The following VANGL1 variants were observed in gnomAD, a reference collection of about 807,000 sequenced individuals.
VANGL1 encodes the protein vang-like protein 1.
A neutral mutation model predicts 48.4 loss-of-function variants in VANGL1; 18 were observed. That is an observed-to-expected ratio of 0.37 (90% CI 0.26 to 0.55). VANGL1 has a LOEUF of 0.55. VANGL1 is among the 20% of genes least tolerant of loss of function. The pLI is 0.81. For synonymous variants in VANGL1, 257 were observed against 261.8 expected (o/e 0.98, Z 0.18); for missense variants, 667 against 675.8 (o/e 0.99, Z 0.14).
chr1:115,680,745 C>G (rs995684813), intron 4 of VANGL1, among the ~76,000 whole-genome samples: 4 of 140,614 alleles, frequency 2.8e-5, no homozygotes, highest in Admixed American at 7.4e-5. Flanking sequence ...GGTGGGTAGA[C>G]AGAATTTCCA....
At chr1:115,676,243 C>T (rs1653160157) in intron 4 of VANGL1, among the ~76,000 whole-genome samples, 1 of 152,174 alleles carries the variant, frequency 6.6e-6, no homozygotes, top group South Asian at 2.1e-4. Context: ...GAATCTAGTA[C>T]TCCTACAATG....
chr1:115,668,701 A>G (rs997214077), intron 4 of VANGL1, among the ~76,000 whole-genome samples: 8 of 152,124 alleles, frequency 5.3e-5, no homozygotes, highest in African/African-American at 1.9e-4. Flanking sequence ...GAGTCAGCTG[A>G]GGCTGACTTT....
chr1:115,651,057 G>A (rs775789072), intron 1 of VANGL1, among the ~76,000 whole-genome samples: 27 of 152,082 alleles, frequency 1.8e-4, no homozygotes, highest in Admixed American at 5.2e-4. Flanking sequence ...TGCTGTGGTA[G>A]GGGTTCAGCT....
At chr1:115,690,967 T>C in intron 7 of VANGL1, 152 bp from the exon 8 acceptor site, 1 of 1,053,206 alleles carries the variant, frequency 9.5e-7, no homozygotes, top group Non-Finnish European at 1.4e-6. Context: ...TGTGAGGGTC[T>C]GATGGGAATT....
rs199681536 is a variant in VANGL1, at chr1:115,683,834, TG to T, written c.947-109del. 1,813 of 1,362,316 alleles carry T rather than the reference TG, an allele frequency of 1.3e-3. 8 individuals carry two copies. The highest frequency in any genetic ancestry group is 0.011 in the African/African-American group (781 of 69,422). The allele number at this position is 1,362,316 out of a possible 1,614,324, so 84.4% of individuals were successfully genotyped here. On this transcript the variant is annotated intron_variant, in intron 5 of 7. Coordinates refer to ENST00000355485, the MANE Select transcript of VANGL1 (RefSeq NM_138959.3). ...GTGACCTTTAGGATTTGTGTGTGTG[TG>T]TTCCATAGGGGGTGGGTAGACAACA...
At chr1:115,685,102 T>A (rs1414770349) in intron 6 of VANGL1, among the ~76,000 whole-genome samples, 191 bp from the exon 7 acceptor site, 1 of 152,160 alleles carries the variant, frequency 6.6e-6, no homozygotes, top group Admixed American at 6.5e-5. Flanking sequence ...CCACATGTTA[T>A]TTTTGCTGTT....
chr1:115,654,498 T>TAAAAA (rs869142756), intron 2 of VANGL1, among the ~76,000 whole-genome samples: 1,377 of 90,744 alleles, frequency 0.015, 34 homozygotes, highest in African/African-American at 0.036. Flanking sequence ...TTGGTAGGGC[T>TAAAAA]AAAAAAAAAA....
At chr1:115,663,088 T>C (rs1348882589) in intron 3 of VANGL1, among the ~76,000 whole-genome samples, 1 of 152,112 alleles carries the variant, frequency 6.6e-6, no homozygotes, top group South Asian at 2.1e-4. Flanking sequence ...CCCCAGTCCA[T>C]AAAGAGATTT....
chr1:115,663,498 T>C (rs58417247), intron 3 of VANGL1, among the ~76,000 whole-genome samples, 163 bp from the exon 4 acceptor site: 2,826 of 152,282 alleles, frequency 0.019, 82 homozygotes, highest in African/African-American at 0.064. Context: ...ATGAAAATCG[T>C]TTGAGTTAAG....
At chr1:115,656,158 G>A (rs549792806) in intron 2 of VANGL1, among the ~76,000 whole-genome samples, 11 of 152,118 alleles carry the variant, frequency 7.2e-5, no homozygotes, top group East Asian at 5.8e-4. Context: ...TTCTTGGCTC[G>A]GTATCCCTCA....
intron 4 of VANGL1, among the ~76,000 whole-genome samples, chr1:115,668,991 C>T (rs1321752930): frequency 6.6e-6 from 1 of 152,248 alleles, no homozygotes; most frequent in East Asian, 1.9e-4. Flanking sequence ...ATGTTAAGTT[C>T]AATGTCACAG....
intron 4 of VANGL1, among the ~76,000 whole-genome samples, chr1:115,669,739 A>G (rs1032321681): frequency 6.6e-6 from 1 of 152,152 alleles, no homozygotes; most frequent in Non-Finnish European, 1.5e-5. Context: ...TTCTATATAA[A>G]TTACCCAGTC....
chr1:115,659,920 C>A, intron 3 of VANGL1, 147 bp downstream of exon 3: 2 of 1,158,310 alleles, frequency 1.7e-6, no homozygotes, highest in Non-Finnish European at 2.5e-6. Context: ...TCTTGTTGGT[C>A]TAAGGACAGC....
chr1:115,671,297 G>C (rs1652962871), intron 4 of VANGL1: 1 of 152,352 alleles, frequency 6.6e-6, no homozygotes. Context: ...GGCTGGGTGT[G>C]ACTTGACACG....
chr1:115,645,591 A>C (rs1355477782), intron 1 of VANGL1, among the ~76,000 whole-genome samples: 3 of 152,314 alleles, frequency 2.0e-5, no homozygotes, highest in Non-Finnish European at 4.4e-5. Context: ...CTCTTCACCC[A>C]CAATTTGGGC....
intron 4 of VANGL1, among the ~76,000 whole-genome samples, chr1:115,669,733 A>T (rs534195446): frequency 6.6e-6 from 1 of 152,234 alleles, no homozygotes; most frequent in East Asian, 1.9e-4. Context: ...CTCTTTTTCT[A>T]TATAAATTAC....
chr1:115,686,242 T>A (rs905582342), intron 7 of VANGL1, among the ~76,000 whole-genome samples: 6 of 151,776 alleles, frequency 4.0e-5, no homozygotes, highest in Admixed American at 6.6e-5. Flanking sequence ...TGTCATATGA[T>A]GAGGATGGAC....
rs781682884 is a variant in VANGL1 at position 115,664,146 on chromosome 1, C to T, written c.690C>T (p.Leu230=). 2 of 1,614,200 alleles carry T rather than the reference C, an allele frequency of 1.2e-6. No homozygotes were observed. The highest frequency in any genetic ancestry group is 1.1e-5 in the South Asian group (1 of 91,082). The change falls in exon 4 of 8, where the codon CTC becomes CTT. Residue 230 remains leucine, a synonymous_variant. Transcript: ENST00000355485. ...VQYAVSLVDA[L]LFIHYLAIVL... ...ATGCAGTCTCCCTTGTGGATGCCCT[C>T]CTCTTCATCCATTACCTGGCCATCG...
rs2101044483 is a variant in VANGL1, at chr1:115,694,102, C to G, written c.*2723C>G. 1 of 152,230 alleles carries G rather than the reference C, an allele frequency of 6.6e-6. No individual in the cohort carries two copies. Among genetic ancestry groups the G allele is most frequent in the Admixed American group, 6.5e-5 (1 of 15,302 alleles). 9.4% of individuals were successfully genotyped at this position (152,230 alleles called of 1,614,324 possible). A position where few individuals can be genotyped will look rare whatever the true frequency, so the allele number is the denominator to read the frequency against. On this transcript the variant is annotated 3_prime_UTR_variant, in exon 8 of 8. Transcript: ENST00000355485. ...TTGAAGATAGGACAGTTTTTATAGT[C>G]CATGAACTGAATGTTAAAAAGTTCT...
Sources: gnomAD v4.1 joint callset for allele counts (sites outside exome capture counted in the v4.1 genomes callset) on GRCh38, gnomAD v4.1.1 for gene constraint, MANE v1.5 for transcripts, NCBI Gene and HGNC (gene_info 2026-07-23, HGNC 2026-07-21) for gene names.